Variants in FAAH2 observed in about 807,000 individuals in gnomAD.
FAAH2 encodes fatty-acid amide hydrolase 2.
A neutral mutation model predicts 36.9 loss-of-function variants in FAAH2; 60 were observed. The ratio of observed to expected loss-of-function variants is 1.63; its 90% CI spans 1.32 to 2.02. The LOEUF (loss-of-function observed/expected upper bound fraction) is 2.02. FAAH2 is among the 30% of genes most tolerant of loss of function. The pLI is 0.00. For synonymous variants in FAAH2, 214 were observed against 143.8 expected (o/e 1.49, Z -3.49); for missense variants, 689 against 397.5 (o/e 1.73, Z -6.23).
chrX:57,428,971 C>T (rs1256766824), intron 7 of FAAH2, among the ~76,000 whole-genome samples: 4 of 111,445 alleles, frequency 3.6e-5, no homozygotes, highest in African/African-American at 1.3e-4. Context: ...AAACTATTTA[C>T]AAACAATACA....
At chrX:57,478,255 T>C (rs2057308535) in intron 10 of FAAH2, among the ~76,000 whole-genome samples, 2 of 112,028 alleles carry the variant, frequency 1.8e-5, no homozygotes, top group Admixed American at 1.9e-4. Flanking sequence ...GTGAGCATTT[T>C]TTCATGTGTT....
At chrX:57,217,247 G>GT in the FAAH2 span, among the ~76,000 whole-genome samples, 1,533 of 96,571 alleles carry the variant, frequency 0.016, 14 homozygotes, top group African/African-American at 0.026. Context: ...TTTGACGACT[G>GT]TTTTTTTTTT....
chrX:57,215,285 G>C, the FAAH2 span, among the ~76,000 whole-genome samples: 1 of 111,135 alleles, frequency 9.0e-6, no homozygotes, highest in Non-Finnish European at 1.9e-5. Flanking sequence ...ACGCCAGTCA[G>C]AATGACAATT....
chrX:57,233,646 T>C, the FAAH2 span, among the ~76,000 whole-genome samples: 23 of 111,841 alleles, frequency 2.1e-4, no homozygotes, highest in African/African-American at 7.2e-4. Flanking sequence ...TTGTTTTCTT[T>C]TGTTTTGTTT....
At chrX:57,145,339 G>C in the FAAH2 span, among the ~76,000 whole-genome samples, 1 of 109,897 alleles carries the variant, frequency 9.1e-6, no homozygotes, top group Admixed American at 9.7e-5. Flanking sequence ...TATGTTTGTT[G>C]GCCATTTGTA....
chrX:57,126,558 A>G, the FAAH2 span, among the ~76,000 whole-genome samples: 1 of 112,392 alleles, frequency 8.9e-6, no homozygotes, highest in Non-Finnish European at 1.9e-5. Flanking sequence ...GCTTACTATC[A>G]TCAATAGACT....
chrX:57,312,182 T>C (rs1269579762), intron 3 of FAAH2, among the ~76,000 whole-genome samples: 1 of 112,435 alleles, frequency 8.9e-6, no homozygotes, highest in Non-Finnish European at 1.9e-5. Flanking sequence ...GCTGTCTCTT[T>C]CTGCTCTCCC....
At chrX:57,465,299 C>T (rs1264517761) in intron 10 of FAAH2, among the ~76,000 whole-genome samples, 1 of 111,039 alleles carries the variant, frequency 9.0e-6, no homozygotes, top group Admixed American at 9.6e-5. Flanking sequence ...TGGAGAATTC[C>T]AGAACGGGAG....
At chrX:57,175,753 G>A in the FAAH2 span, among the ~76,000 whole-genome samples, 1 of 111,213 alleles carries the variant, frequency 9.0e-6, no homozygotes, top group Non-Finnish European at 1.9e-5. Flanking sequence ...ATTTATTGTA[G>A]GGCTGATCTA....
chrX:57,158,694 TG>T, the FAAH2 span, among the ~76,000 whole-genome samples: 7 of 112,158 alleles, frequency 6.2e-5, no homozygotes, highest in Non-Finnish European at 1.1e-4. Context: ...TTGATGGGGT[TG>T]TTTTTTTCTT....
chrX:57,476,829 T>C (rs1210926496), intron 10 of FAAH2, among the ~76,000 whole-genome samples: 2 of 108,014 alleles, frequency 1.9e-5, no homozygotes, highest in Non-Finnish European at 3.9e-5. Context: ...GCTTTTTAAA[T>C]TGATGTTCTT....
chrX:57,298,734 G>T (rs1334496409), intron 2 of FAAH2, among the ~76,000 whole-genome samples: 1 of 71,986 alleles, frequency 1.4e-5, no homozygotes, highest in African/African-American at 5.2e-5. Context: ...AGAAAAAAGA[G>T]AATAATCAAT....
At chrX:57,201,795 C>T in the FAAH2 span, among the ~76,000 whole-genome samples, 1 of 111,502 alleles carries the variant, frequency 9.0e-6, no homozygotes, top group Non-Finnish European at 1.9e-5. Context: ...CCTTTTGAGG[C>T]TATTTTCAAG....
At chrX:57,481,486 ACAGT>A (rs997947370) in intron 10 of FAAH2, among the ~76,000 whole-genome samples, 12 of 111,457 alleles carry the variant, frequency 1.1e-4, no homozygotes, top group African/African-American at 3.9e-4. Context: ...TTTTCTTCTA[ACAGT>A]CAGGCCTCTC....
intron 7 of FAAH2, among the ~76,000 whole-genome samples, chrX:57,414,837 A>T (rs1602582525): frequency 9.9e-6 from 1 of 101,003 alleles, no homozygotes; most frequent in Admixed American, 1.1e-4. Context: ...CTGTAAATTC[A>T]TCTTGTCCTG....
At chrX:57,212,809 CTAACTT>C in the FAAH2 span, among the ~76,000 whole-genome samples, 1 of 111,963 alleles carries the variant, frequency 8.9e-6, no homozygotes, top group Non-Finnish European at 1.9e-5. Flanking sequence ...GTGTCCTTGA[CTAACTT>C]TAATATCAGT....
At chrX:57,185,081 C>T in the FAAH2 span, among the ~76,000 whole-genome samples, 7 of 111,510 alleles carry the variant, frequency 6.3e-5, no homozygotes, top group Admixed American at 1.9e-4. Context: ...GTGTTACATA[C>T]AAGCCAATTA....
At chrX:57,227,762 A>G in the FAAH2 span, among the ~76,000 whole-genome samples, 3 of 111,567 alleles carry the variant, frequency 2.7e-5, no homozygotes, top group East Asian at 8.5e-4. Flanking sequence ...GGGAAGGACC[A>G]TTGGGTGGGG....
At chrX:57,315,673 T>C (rs776615328) in intron 3 of FAAH2, among the ~76,000 whole-genome samples, 1 of 111,910 alleles carries the variant, frequency 8.9e-6, no homozygotes, top group Admixed American at 9.5e-5. Flanking sequence ...ATCATCTCAA[T>C]AGATGCAGAA....
Sources: gnomAD v4.1 joint callset for allele counts (sites outside exome capture counted in the v4.1 genomes callset) on GRCh38, gnomAD v4.1.1 for gene constraint, MANE v1.5 for transcripts, NCBI Gene and HGNC (gene_info 2026-07-23, HGNC 2026-07-21) for gene names.